The following SNX29 variants were observed in gnomAD, a reference collection of about 807,000 sequenced individuals.
SNX29 encodes the protein sorting nexin 29, also known as sorting nexin-29.
A neutral mutation model predicts 102.1 loss-of-function variants in SNX29; 78 were observed. The observed-to-expected ratio is 0.76, with a 90% CI of 0.64 to 0.92. SNX29 has a LOEUF of 0.92. Among genes scored for constraint, SNX29 ranks in the 40% least tolerant of loss-of-function variants. The pLI, the probability that SNX29 is intolerant of heterozygous loss-of-function variation, is 0.00. For synonymous variants in SNX29, 580 were observed against 414.5 expected (o/e 1.40, Z -4.85); for missense variants, 1,280 against 1,061.7 (o/e 1.21, Z -2.86).
At chr16:12,039,094 T>G (rs2057558036) in intron 4 of SNX29, among the ~76,000 whole-genome samples, 2 of 152,338 alleles carry the variant, frequency 1.3e-5, no homozygotes, top group South Asian at 4.1e-4. Flanking sequence ...ATCCCAGTGA[T>G]TGGCTTGATC....
intron 18 of SNX29, among the ~76,000 whole-genome samples, chr16:12,454,887 A>G (rs2086468899): frequency 6.6e-6 from 1 of 151,926 alleles, no homozygotes; most frequent in Non-Finnish European, 1.5e-5. Flanking sequence ...CTGGGACTAT[A>G]GGCATGCACC....
chr16:12,565,681 C>G (rs932405897), intron 20 of SNX29, among the ~76,000 whole-genome samples: 5 of 152,168 alleles, frequency 3.3e-5, no homozygotes, highest in South Asian at 2.1e-4. Flanking sequence ...CGAGCTAACC[C>G]TGCCTTCCAG....
chr16:12,563,254 C>G (rs77093512), intron 20 of SNX29, among the ~76,000 whole-genome samples: 22 of 152,236 alleles, frequency 1.4e-4, no homozygotes, highest in Non-Finnish European at 2.6e-4. Flanking sequence ...ACTGACCCCG[C>G]CCAGGTAGCA....
intron 13 of SNX29, among the ~76,000 whole-genome samples, chr16:12,167,364 C>G (rs1029796597): frequency 3.9e-5 from 6 of 152,044 alleles, no homozygotes; most frequent in African/African-American, 9.7e-5. Context: ...TCCAGACTGT[C>G]CAGGTGTCAG....
chr16:11,983,535 A>G (rs2055476197), intron 1 of SNX29: 1 of 353,932 alleles, frequency 2.8e-6, no homozygotes, highest in African/African-American at 2.2e-5. Context: ...TAGAAAAGTG[A>G]TGCTATCAAC....
At chr16:12,561,663 G>A (rs768096840) in intron 20 of SNX29, among the ~76,000 whole-genome samples, 17 of 152,194 alleles carry the variant, frequency 1.1e-4, no homozygotes, top group Non-Finnish European at 2.4e-4. Context: ...GGGGCCCTCT[G>A]AGGGTGCCCT....
intron 14 of SNX29, among the ~76,000 whole-genome samples, chr16:12,256,963 C>G (rs1237436106): frequency 2.6e-5 from 4 of 152,184 alleles, no homozygotes; most frequent in Non-Finnish European, 5.9e-5. Flanking sequence ...GGTGTGGCAA[C>G]AAATGGCTGA....
intron 14 of SNX29, among the ~76,000 whole-genome samples, chr16:12,205,786 G>A (rs550007933): frequency 2.0e-5 from 3 of 152,128 alleles, no homozygotes; most frequent in South Asian, 2.1e-4. Flanking sequence ...GTTTCTTCCC[G>A]GTGTTCCACC....
chr16:12,311,580 C>T (rs560380352), intron 15 of SNX29, among the ~76,000 whole-genome samples: 14 of 152,350 alleles, frequency 9.2e-5, no homozygotes, highest in South Asian at 4.1e-4. Flanking sequence ...ATGGCCCGTC[C>T]GCCTTTAGGT....
At chr16:12,456,963 G>A (rs1310428596) in intron 18 of SNX29, among the ~76,000 whole-genome samples, 1 of 152,208 alleles carries the variant, frequency 6.6e-6, no homozygotes. Context: ...GACCAAAGCA[G>A]TGTTTGAGTT....
At chr16:11,980,568 C>A (rs2055392697) in intron 1 of SNX29, among the ~76,000 whole-genome samples, 1 of 152,078 alleles carries the variant, frequency 6.6e-6, no homozygotes, top group African/African-American at 2.4e-5. Flanking sequence ...ACTGTTTAAC[C>A]ATTTGAGGAG....
At chr16:12,387,731 C>T (rs2083387447) in intron 16 of SNX29, among the ~76,000 whole-genome samples, 2 of 152,110 alleles carry the variant, frequency 1.3e-5, no homozygotes, top group South Asian at 4.1e-4. Context: ...GACCTTAAGC[C>T]ATCTGACCTT....
chr16:12,155,829 C>T (rs1055483672), intron 13 of SNX29, among the ~76,000 whole-genome samples: 1 of 152,188 alleles, frequency 6.6e-6, no homozygotes, highest in Non-Finnish European at 1.5e-5. Flanking sequence ...AGTGACACTG[C>T]TGCAAGGAAG....
At chr16:12,289,197 T>C (rs971571012) in intron 15 of SNX29, among the ~76,000 whole-genome samples, 1 of 152,232 alleles carries the variant, frequency 6.6e-6, no homozygotes, top group African/African-American at 2.4e-5. Context: ...TGATGCCTCT[T>C]GTGCTCACTG....
chr16:12,350,677 A>C (rs554257592), intron 15 of SNX29, among the ~76,000 whole-genome samples: 49 of 152,338 alleles, frequency 3.2e-4, no homozygotes, highest in African/African-American at 1.2e-3. Flanking sequence ...ACTGTTTCCT[A>C]CAAGTAGGGA....
intron 20 of SNX29, among the ~76,000 whole-genome samples, chr16:12,539,423 C>T (rs1365693008): frequency 6.6e-6 from 1 of 152,144 alleles, no homozygotes; most frequent in Non-Finnish European, 1.5e-5. Flanking sequence ...TTGGGTGAGT[C>T]AGCAGTGTTT....
chr16:12,126,554 C>A (rs985025417), intron 11 of SNX29, 79 bp from the exon 12 acceptor site: 7 of 1,417,220 alleles, frequency 4.9e-6, no homozygotes, highest in Admixed American at 1.9e-5. Flanking sequence ...TCCTTAATAG[C>A]ATATAATCCA....
At chr16:12,433,155 G>C (rs534775367) in intron 18 of SNX29, among the ~76,000 whole-genome samples, 1 of 152,212 alleles carries the variant, frequency 6.6e-6, no homozygotes, top group Non-Finnish European at 1.5e-5. Flanking sequence ...CTCCCACCAC[G>C]AGTCATTACA....
intron 15 of SNX29, among the ~76,000 whole-genome samples, chr16:12,339,012 A>AG (rs772312707): frequency 8.9e-4 from 136 of 152,222 alleles, no homozygotes; most frequent in Non-Finnish European, 1.4e-3. Context: ...GGGCTGTCCT[A>AG]GGACTACACA....
Sources: allele counts gnomAD v4.1 joint callset (sites outside exome capture counted in the v4.1 genomes callset), GRCh38; gene constraint gnomAD v4.1.1; transcripts MANE v1.5; gene names NCBI Gene and HGNC (gene_info 2026-07-23, HGNC 2026-07-21).